PAK2: variants seen among roughly 807,000 people sequenced by gnomAD.
The protein encoded by PAK2 is p21 (RAC1) activated kinase 2, also known as serine/threonine-protein kinase PAK 2.
In PAK2, 21 loss-of-function variants were observed where a neutral mutation model predicts 65.9. The observed-to-expected ratio is 0.32, with a 90% CI of 0.23 to 0.46. The LOEUF (loss-of-function observed/expected upper bound fraction) is 0.46. Among genes scored for constraint, PAK2 ranks in the 20% least tolerant of loss-of-function variants. PAK2 has a pLI of 1.00. For missense variants in PAK2, 324 were observed against 642.6 expected (o/e 0.50, Z 5.36); for synonymous variants, 204 against 219.7 (o/e 0.93, Z 0.63).
intron 13 of PAK2, among the ~76,000 whole-genome samples, chr3:196,826,152 T>G (rs1212449447): frequency 6.6e-6 from 1 of 151,710 alleles, no homozygotes; most frequent in Non-Finnish European, 1.5e-5. Flanking sequence ...ATGCCCAGCC[T>G]AATTTGTTTT....
intron 10 of PAK2, among the ~76,000 whole-genome samples, chr3:196,814,246 CTG>C (rs1265064685): frequency 6.6e-6 from 1 of 152,142 alleles, no homozygotes; most frequent in African/African-American, 2.4e-5. Context: ...TGTGGGCAAA[CTG>C]TAACTTTAAA....
intron 13 of PAK2, among the ~76,000 whole-genome samples, chr3:196,822,100 G>A (rs1208993842): frequency 6.6e-6 from 1 of 152,128 alleles, no homozygotes; most frequent in Non-Finnish European, 1.5e-5. Flanking sequence ...GTTTATGTGG[G>A]CCGTTAAAGT....
At chr3:196,826,605 A>C (rs1393116865) in intron 13 of PAK2, among the ~76,000 whole-genome samples, 1 of 151,942 alleles carries the variant, frequency 6.6e-6, no homozygotes, top group Non-Finnish European at 1.5e-5. Context: ...GTTATTTTTA[A>C]TTATTAACAT....
rs57199433 is a variant in PAK2 at position 196,764,841 on chromosome 3, CTTTTTTTTTT to C, written c.-21-17775_-21-17766del. On this transcript the variant is annotated intron_variant, in intron 1 of 14. Transcript: ENST00000327134. ...CCCCAAATTTTCTTTTCTTTTCTTT[CTTTTTTTTTT>C]TTTTTTTTTGAGACGGAGTCTTGCT... 9.3e-5 allele frequency among the ~76,000 whole-genome samples: 10 copies of C among 107,610 alleles called. No individual in the cohort carries two copies. In the East Asian group the frequency reaches 1.7e-3, roughly 18 times the overall value. The allele number at this position is 107,610 out of a possible 152,430, so 70.6% of individuals were successfully genotyped here.
chr3:196,823,625 G>T (rs1424063177), intron 13 of PAK2, among the ~76,000 whole-genome samples: 1 of 151,806 alleles, frequency 6.6e-6, no homozygotes, highest in East Asian at 1.9e-4. Context: ...CAGCACTTTG[G>T]GAGGCCGAGG....
intron 2 of PAK2, among the ~76,000 whole-genome samples, chr3:196,790,503 G>A (rs60747844): frequency 2.6e-5 from 4 of 152,120 alleles, no homozygotes; most frequent in East Asian, 3.9e-4. Context: ...TGAACCTCCC[G>A]TAGATGGTTG....
chr3:196,775,549 A>AT (rs1386744221), intron 1 of PAK2, among the ~76,000 whole-genome samples: 1 of 151,882 alleles, frequency 6.6e-6, no homozygotes, highest in Non-Finnish European at 1.5e-5. Flanking sequence ...CAACCGGCTA[A>AT]TTTTTGTATT....
intron 1 of PAK2, among the ~76,000 whole-genome samples, chr3:196,749,134 T>G (rs1713486157): frequency 6.6e-6 from 1 of 152,038 alleles, no homozygotes; most frequent in South Asian, 2.1e-4. Flanking sequence ...TTATTCTGCT[T>G]GTCCATTTAT....
chr3:196,818,517 C>T (rs1711545621), intron 12 of PAK2, among the ~76,000 whole-genome samples: 1 of 152,070 alleles, frequency 6.6e-6, no homozygotes, highest in South Asian at 2.1e-4. Context: ...CAGGTGTGCA[C>T]CACCACACCC....
At chr3:196,817,156 A>ATTTTTTTTTT (rs11314877) in intron 11 of PAK2, among the ~76,000 whole-genome samples, 1 of 84,766 alleles carries the variant, frequency 1.2e-5, no homozygotes, top group Non-Finnish European at 2.2e-5. Flanking sequence ...GAAAGAGGCA[A>ATTTTTTTTTT]TTTTTTTTTT....
intron 1 of PAK2, among the ~76,000 whole-genome samples, chr3:196,741,632 G>A (rs1252387906): frequency 5.9e-5 from 9 of 152,152 alleles, no homozygotes; most frequent in Admixed American, 5.9e-4. Context: ...AGTGTATTTT[G>A]TGTTTTCACT....
chr3:196,751,606 C>T (rs62409405), intron 1 of PAK2, among the ~76,000 whole-genome samples: 59,446 of 134,316 alleles, frequency 0.44, 14,108 homozygotes, highest in Non-Finnish European at 0.52. Context: ...CAGATCACAC[C>T]ACTGCAGTCC....
rs1040420595 is a variant in PAK2, at chr3:196,782,585, A to G, written c.-21-41A>G. 3.9e-5 allele frequency: 38 copies of G among 982,652 alleles called. No individual in the cohort carries two copies. In the African/African-American group the frequency reaches 4.4e-4, roughly 11 times the overall value. The allele number at this position is 982,652 out of a possible 1,614,324, so 60.9% of individuals were successfully genotyped here. A position where few individuals can be genotyped will look rare whatever the true frequency, so the allele number is the denominator to read the frequency against. On this transcript the variant is annotated intron_variant, in intron 1 of 14. Coordinates refer to ENST00000327134, the MANE Select transcript of PAK2 (RefSeq NM_002577.4). ...TTACTGTTTTTTGCTTGTTCGTGCT[A>G]TTTTTTACTTTGTTACTAATTGTAT... is the stretch of plus-strand genomic sequence containing the variant.
chr3:196,824,483 A>G (rs1205060549), intron 13 of PAK2, among the ~76,000 whole-genome samples: 15 of 152,236 alleles, frequency 9.9e-5, no homozygotes, highest in Admixed American at 8.5e-4. Context: ...CTTTAAATGC[A>G]TATTGCTTAG....
At chr3:196,805,484 C>T in intron 5 of PAK2, 101 bp downstream of exon 5, 1 of 618,462 alleles carries the variant, frequency 1.6e-6, no homozygotes, top group East Asian at 3.0e-5. Context: ...TTACAGCCAT[C>T]AGAGGTAAAT....
intron 2 of PAK2, among the ~76,000 whole-genome samples, chr3:196,796,020 C>A (rs572368918): frequency 6.6e-6 from 1 of 152,324 alleles, no homozygotes; most frequent in South Asian, 2.1e-4. Context: ...GGATCCCTCG[C>A]GTGTGCAGTC....
chr3:196,788,503 T>G (rs568684342), intron 2 of PAK2, among the ~76,000 whole-genome samples: 3 of 152,322 alleles, frequency 2.0e-5, no homozygotes, highest in Admixed American at 2.0e-4. Context: ...TAAGGCAACT[T>G]GACAGAACAG....
At chr3:196,741,175 A>G (rs1713179711) in intron 1 of PAK2, among the ~76,000 whole-genome samples, 1 of 152,118 alleles carries the variant, frequency 6.6e-6, no homozygotes. Context: ...GTTTTGGATC[A>G]AGGTTGTGCA....
chr3:196,784,763 A>T (rs1293851267), intron 2 of PAK2, among the ~76,000 whole-genome samples: 1 of 151,196 alleles, frequency 6.6e-6, no homozygotes, highest in Non-Finnish European at 1.5e-5. Flanking sequence ...GGCTGGGTCA[A>T]ATGGTATTGC....
Sources: gnomAD v4.1 joint callset for allele counts (sites outside exome capture counted in the v4.1 genomes callset) on GRCh38, gnomAD v4.1.1 for gene constraint, MANE v1.5 for transcripts, NCBI Gene and HGNC (gene_info 2026-07-23, HGNC 2026-07-21) for gene names.